ANKIB1: variants seen among roughly 807,000 people sequenced by gnomAD.
ANKIB1 encodes the protein ankyrin repeat and IBR domain containing 1.
In ANKIB1, 43 loss-of-function variants were observed where a neutral mutation model predicts 122.1. The ratio of observed to expected loss-of-function variants is 0.35; its 90% CI spans 0.28 to 0.45. The LOEUF is 0.45. Ranked by LOEUF, ANKIB1 falls within the 20% of genes least tolerant of loss-of-function variation. The probability of loss-of-function intolerance (pLI) is 1.00; values close to 1 mark genes in which losing one functional copy is unlikely to be tolerated. For missense variants in ANKIB1, 992 were observed against 1,329.5 expected (o/e 0.75, Z 3.95); for synonymous variants, 390 against 442.0 (o/e 0.88, Z 1.48).
At chr7:92,357,700 A>G (rs1158208508) in intron 9 of ANKIB1, among the ~76,000 whole-genome samples, 1 of 147,992 alleles carries the variant, frequency 6.8e-6, no homozygotes, top group African/African-American at 2.5e-5. Flanking sequence ...ACGCCACTGC[A>G]CTCCAGCCTG....
At chr7:92,372,771 C>T (rs1804300941) in intron 11 of ANKIB1, among the ~76,000 whole-genome samples, 1 of 152,240 alleles carries the variant, frequency 6.6e-6, no homozygotes, top group South Asian at 2.1e-4. Context: ...TACCTACCTA[C>T]ATTTATGAAC....
At chr7:92,341,634 G>A (rs1803442741) in intron 5 of ANKIB1, among the ~76,000 whole-genome samples, 1 of 152,196 alleles carries the variant, frequency 6.6e-6, no homozygotes, top group African/African-American at 2.4e-5. Flanking sequence ...AGATTTTCCA[G>A]TTGATTAAGT....
chr7:92,250,285 C>T (rs992106637), intron 1 of ANKIB1, among the ~76,000 whole-genome samples: 2 of 151,860 alleles, frequency 1.3e-5, no homozygotes, highest in East Asian at 1.9e-4. Context: ...CCCAGCTACT[C>T]GGGAGGCTGA....
intron 1 of ANKIB1, among the ~76,000 whole-genome samples, chr7:92,273,075 A>G (rs1390281809): frequency 6.6e-6 from 1 of 152,226 alleles, no homozygotes; most frequent in African/African-American, 2.4e-5. Flanking sequence ...TTGGTCAACA[A>G]TGGACTGCAT....
At position 92,398,991 on chromosome 7, in the gene ANKIB1, G is replaced by T; in HGVS notation, c.*42G>T. 6.7e-7 allele frequency: 1 copy of T among 1,500,628 alleles called. No homozygotes were observed. The highest frequency in any genetic ancestry group is 2.3e-5 in the East Asian group (1 of 43,294). The allele number at this position is 1,500,628 out of a possible 1,614,324, so 93.0% of individuals were successfully genotyped here. A position where few individuals can be genotyped will look rare whatever the true frequency, so the allele number is the denominator to read the frequency against. On this transcript the variant is annotated 3_prime_UTR_variant, in exon 20 of 20. Coordinates refer to ENST00000265742, the MANE Select transcript of ANKIB1 (RefSeq NM_019004.2). ...CTCTAAATGAATTACAGGTACAGAT[G>T]GTATGCTAGGTGGAGTATGCTTGAT...
At chr7:92,248,888 C>CTTTTTTTTTTT (rs778549860) in intron 1 of ANKIB1, among the ~76,000 whole-genome samples, 8 of 123,036 alleles carry the variant, frequency 6.5e-5, no homozygotes, top group East Asian at 4.7e-4. Context: ...TCTTTTCTTT[C>CTTTTTTTTTTT]TTTTTTTTTT....
intron 1 of ANKIB1, among the ~76,000 whole-genome samples, chr7:92,261,895 A>G (rs1428726317): frequency 1.3e-5 from 2 of 152,204 alleles, no homozygotes; most frequent in Non-Finnish European, 2.9e-5. Context: ...TGAAAGAGTC[A>G]TTGTAGCACT....
intron 8 of ANKIB1, 53 bp downstream of exon 8, chr7:92,351,147 A>G: frequency 7.7e-7 from 1 of 1,299,866 alleles, no homozygotes; most frequent in Non-Finnish European, 1.0e-6. Context: ...GATTTTATTA[A>G]ACCTTTATAA....
chr7:92,389,954 C>T lies in ANKIB1; in HGVS notation c.1907-17C>T, dbSNP rs765819006. The T allele has an allele frequency of 2.5e-6, 4 of 1,569,164 alleles. No homozygotes were observed. Among genetic ancestry groups the T allele is most frequent in the Non-Finnish European group, 2.6e-6 (3 of 1,165,752 alleles). ...TATTTGCAAAAACAAATTCACTGTG[C>T]CTCAATTACTTTTTAGCTGAAGGAG... is the stretch of plus-strand genomic sequence containing the variant. On this transcript the variant is annotated splice_polypyrimidine_tract_variant and intron_variant, in intron 14 of 19. Transcript: ENST00000265742.
intron 2 of ANKIB1, among the ~76,000 whole-genome samples, chr7:92,304,403 GTCTC>G (rs1272504731): frequency 6.6e-6 from 1 of 152,082 alleles, no homozygotes; most frequent in Admixed American, 6.6e-5. Context: ...GCAAGAGAGT[GTCTC>G]TCTCTTCTCT....
At chr7:92,343,675 A>G (rs1212850932) in intron 6 of ANKIB1, among the ~76,000 whole-genome samples, 2 of 152,210 alleles carry the variant, frequency 1.3e-5, no homozygotes, top group Admixed American at 6.5e-5. Context: ...CAAAATACAT[A>G]CACACATATA....
chr7:92,271,351 TA>T (rs1345341933), intron 1 of ANKIB1, among the ~76,000 whole-genome samples: 2 of 152,232 alleles, frequency 1.3e-5, no homozygotes, highest in African/African-American at 4.8e-5. Context: ...GACCCTGTCT[TA>T]ATTCTTGTGG....
At position 92,312,005 on chromosome 7, in the gene ANKIB1, G is replaced by GATC. The variant is rs1351857991; in HGVS notation, c.486+4351_486+4352insCAT. Among the ~76,000 whole-genome samples, 3 of 152,156 alleles carry GATC rather than the reference G, an allele frequency of 2.0e-5. No individual in the cohort carries two copies. The East Asian group carries it at 5.8e-4, about 29-fold the overall frequency. ...CACTAGTGCTTGATTCTTGACTCTAGATTCTATTAATGATGCTACCATTAT... is the reference window on the plus strand; with the variant it reads ...CACTAGTGCTTGATTCTTGACTCTAGATCATTCTATTAATGATGCTACCATTAT... On this transcript the variant is annotated intron_variant, in intron 3 of 19. Transcript: ENST00000265742.
chr7:92,301,250 T>A lies in ANKIB1; in HGVS notation c.188+6084T>A, dbSNP rs1419173181. Among the ~76,000 whole-genome samples, 7 of 152,200 alleles carry A rather than the reference T, an allele frequency of 4.6e-5. No homozygotes were observed. The South Asian group carries it at 8.3e-4, about 18-fold the overall frequency. On this transcript the variant is annotated intron_variant, in intron 2 of 19. Coordinates refer to ENST00000265742, the MANE Select transcript of ANKIB1 (RefSeq NM_019004.2). ...GATCATATGGTAGTTCTGTTTTTAATGTTTTACTCAACTTCTGTACTGTTT... is the reference window on the plus strand; with the variant it reads ...GATCATATGGTAGTTCTGTTTTTAAAGTTTTACTCAACTTCTGTACTGTTT...
chr7:92,386,677 T>G lies in ANKIB1; in HGVS notation c.1752+34T>G, dbSNP rs984411526. On this transcript the variant is annotated intron_variant, in intron 12 of 19. Transcript: ENST00000265742. ...AACCAATTAAGCCAAGACATCTCTC[T>G]AAACCGCTCACTGCCACTGGAATTA... 17 of 1,506,492 alleles carry G rather than the reference T, an allele frequency of 1.1e-5. No individual in the cohort carries two copies. The Admixed American group carries it at 2.6e-4, about 23-fold the overall frequency. The allele number at this position is 1,506,492 out of a possible 1,614,324, so 93.3% of individuals were successfully genotyped here.
At chr7:92,371,405 G>A in intron 10 of ANKIB1, 72 bp from the exon 11 acceptor site, 3 of 1,340,702 alleles carry the variant, frequency 2.2e-6, no homozygotes, top group Admixed American at 2.3e-5. Flanking sequence ...GAAAAGTGTG[G>A]AGGGTTTTTT....
chr7:92,262,792 CAG>C (rs1441952261), intron 1 of ANKIB1, among the ~76,000 whole-genome samples: 7 of 152,024 alleles, frequency 4.6e-5, no homozygotes, highest in Admixed American at 2.6e-4. Flanking sequence ...ATTTTAGAAA[CAG>C]ATACAGCTGT....
intron 2 of ANKIB1, among the ~76,000 whole-genome samples, chr7:92,305,783 C>T (rs1293203199): frequency 2.0e-5 from 3 of 152,058 alleles, no homozygotes; most frequent in African/African-American, 7.2e-5. Flanking sequence ...GCAAACTGTA[C>T]TAAAACTTGG....
chr7:92,371,369 A>G (rs1035320220), intron 10 of ANKIB1, 108 bp from the exon 11 acceptor site: 5 of 917,764 alleles, frequency 5.4e-6, no homozygotes, highest in Non-Finnish European at 8.2e-6. Flanking sequence ...TAAATATTTT[A>G]TTAAAATTGA....
Sources: allele counts gnomAD v4.1 joint callset (sites outside exome capture counted in the v4.1 genomes callset), GRCh38; gene constraint gnomAD v4.1.1; transcripts MANE v1.5; gene names NCBI Gene and HGNC (gene_info 2026-07-23, HGNC 2026-07-21).